Variants in DNASE2 observed in about 807,000 individuals in gnomAD.
DNASE2 encodes deoxyribonuclease-2-alpha.
In DNASE2, 26 loss-of-function variants were observed where a neutral mutation model predicts 29.8. That is an observed-to-expected ratio of 0.87 (90% CI 0.64 to 1.21). The LOEUF is 1.21. Ranked by LOEUF, DNASE2 falls within the 50% of genes most tolerant of loss-of-function variation. DNASE2 has a pLI of 0.00. For missense variants in DNASE2, 415 were observed against 455.6 expected (o/e 0.91, Z 0.81); for synonymous variants, 186 against 193.5 (o/e 0.96, Z 0.32).
Position 12,881,379 on chromosome 19 carries a change from T to G in DNASE2, c.-4A>C. Reference sequence around the variant, plus strand: ...CTGCCAGCAGCAGCGGGATCATAGCTGCTATGGGGCTGAGATCCAGGAATC... The same window carrying G: ...CTGCCAGCAGCAGCGGGATCATAGCGGCTATGGGGCTGAGATCCAGGAATC... On this transcript the variant is annotated 5_prime_UTR_variant, in exon 1 of 6. Coordinates refer to ENST00000222219, the MANE Select transcript of DNASE2 (RefSeq NM_001375.3). 6.4e-7 allele frequency: 1 copy of G among 1,556,080 alleles called. No individual in the cohort carries two copies. The highest frequency in any genetic ancestry group is 8.7e-7 in the Non-Finnish European group (1 of 1,151,028).
chr19:12,876,092 A>T lies in DNASE2; in HGVS notation c.981T>A (p.Cys327Ter), dbSNP rs1341179124. The change falls in exon 6 of 6, where the codon TGT (cysteine) becomes TGA (stop). Residue 327 changes from cysteine (C) to a stop codon, truncating the protein, a stop_gained. Transcript: ENST00000222219. LOFTEE classifies it low-confidence loss of function (END_TRUNC). ...GEEQRGGGTL[C>*]AQLPALWKAF... Reference sequence around the variant, plus strand: ...CTTTCCAGAGGGCTGGCAGCTGGGCACACAGTGTGCCCCCACCCCGTTGCT... The same window carrying T: ...CTTTCCAGAGGGCTGGCAGCTGGGCTCACAGTGTGCCCCCACCCCGTTGCT... The T allele has an allele frequency of 6.2e-7, 1 of 1,613,928 alleles. No individual in the cohort carries two copies. The highest frequency in any genetic ancestry group is 1.7e-5 in the Admixed American group (1 of 60,010).
chr19:12,878,526 T>A lies in DNASE2; in HGVS notation c.565A>T (p.Ile189Phe), dbSNP rs764898961. 6.2e-6 allele frequency: 10 copies of A among 1,614,006 alleles called. No individual in the cohort carries two copies. In the Admixed American group the frequency reaches 8.3e-5, roughly 13 times the overall value. The stretch of plus-strand genomic sequence containing the variant: ...AAGTCGGGGAATTCCTGGGCAAAGA[T>A]CCCTTCCAGCTGGTAGTTATAGACC... ...PWVYNYQLEG[I>F]FAQEFPDLEN... Residue 189 changes from isoleucine (I) to phenylalanine (F), a missense_variant, in exon 5 of 6, where the codon ATC becomes TTC. Ile to Phe is a conservative substitution (Grantham distance 21). Coordinates refer to ENST00000222219, the MANE Select transcript of DNASE2 (RefSeq NM_001375.3).
At chr19:12,880,527 G>A (rs1404714027) in intron 3 of DNASE2, among the ~76,000 whole-genome samples, 1 of 151,996 alleles carries the variant, frequency 6.6e-6, no homozygotes, top group Non-Finnish European at 1.5e-5. Context: ...GTGTGATGGT[G>A]CGCCTTTAAT....
At position 12,880,857 on chromosome 19, in the gene DNASE2, G is replaced by A; in HGVS notation, c.291C>T (p.Asp97=). The part of the protein sequence containing the change: ...TSQLAFLLYN[D]QPPQPSKAQD... ...GAGCCTTGCTGGGTTGAGGCGGTTG[G>A]TCATTGTAGAGCAGGAAGGCGAGCT... The change falls in exon 3 of 6, where the codon GAC becomes GAT. Residue 97 remains aspartate (D), a synonymous_variant. Transcript: ENST00000222219. 6.2e-7 allele frequency: 1 copy of A among 1,614,214 alleles called. No individual in the cohort carries two copies.
In DNASE2 at chr19:12,876,057, G is replaced by T; in HGVS notation, c.1016C>A (p.Pro339Gln). 2 of 1,614,046 alleles carry T rather than the reference G, an allele frequency of 1.2e-6. No homozygotes were observed. The highest frequency in any genetic ancestry group is 1.7e-6 in the Non-Finnish European group (2 of 1,180,020). ...QLPALWKAFQ[P>Q]LVKNYQPCNG... is the part of the protein sequence containing the mutation. ...ACAGGGCTGGTAGTTCTTCACCAGC[G>T]GCTGGAAGGCTTTCCAGAGGGCTGG... is the stretch of plus-strand genomic sequence containing the variant. Residue 339 changes from proline (P) to glutamine (Q), a missense_variant, in exon 6 of 6, where the codon CCG becomes CAG. Physicochemically the swap from Pro to Gln is moderately conservative, Grantham distance 76 (BLOSUM62 -1). Transcript: ENST00000222219.
intron 5 of DNASE2, chr19:12,877,910 A>G (rs1296313579): frequency 3.6e-6 from 1 of 277,086 alleles, no homozygotes; most frequent in Admixed American, 4.9e-5. Context: ...CAGTGGAGTC[A>G]TTATAGCTCA....
At chr19:12,878,628 C>T in intron 4 of DNASE2, 42 bp downstream of exon 4, 5 of 1,613,800 alleles carry the variant, frequency 3.1e-6, no homozygotes, top group Non-Finnish European at 4.2e-6. Context: ...AGGTTCTGGT[C>T]AGTAAACCCA....
In DNASE2 at chr19:12,876,881, G is replaced by A. The variant is rs572626761; in HGVS notation, c.710-518C>T. Among the ~76,000 whole-genome samples the A allele has an allele frequency of 2.6e-5, 4 of 151,986 alleles. No homozygotes were observed. The East Asian group carries it at 7.8e-4, about 29-fold the overall frequency. ...TCTGTCGCCCAGGCTGGAGTGCAGT[G>A]GTGTAATCTCGGCACACTGCAACCT... On this transcript the variant is annotated intron_variant, in intron 5 of 5. Transcript: ENST00000222219.
chr19:12,876,442 C>T, intron 5 of DNASE2, 79 bp from the exon 6 acceptor site: 1 of 1,511,008 alleles, frequency 6.6e-7, no homozygotes. Context: ...CCTCTCTCAG[C>T]TCAGTTTCCA....
rs748754954 is a variant in DNASE2 at position 12,876,269 on chromosome 19, C to T, written c.804G>A (p.Ser268=). The change falls in exon 6 of 6, where the codon TCG becomes TCA. Residue 268 remains serine, a synonymous_variant. Coordinates refer to ENST00000222219, the MANE Select transcript of DNASE2 (RefSeq NM_001375.3). ...KTVGILPSNC[S]DIWQVLNVNQ... ...TCACATTCAGAACCTGCCAGATATC[C>T]GAGCAGTTAGAGGGCAGGATGCCTA... 1.7e-5 allele frequency: 27 copies of T among 1,613,998 alleles called. No homozygotes were observed. The highest frequency in any genetic ancestry group is 1.3e-4 in the Admixed American group (8 of 59,964).
At position 12,880,985 on chromosome 19, in the gene DNASE2, C is replaced by T. The variant is rs746192478; in HGVS notation, c.254G>A (p.Ser85Asn). ...GGCCCCCTTCACCTGGCTGGTGTTG[C>T]TCCGGTACAGCGGCTGCAGGCTTCG... The part of the protein sequence containing the change: ...VGRSLQPLYR[S>N]NTSQLAFLLY... The change falls in exon 2 of 6, where the codon AGC (serine) becomes AAC (asparagine). Residue 85 changes from serine to asparagine, a missense_variant. Ser to Asn is a conservative substitution (Grantham distance 46). Transcript: ENST00000222219. The T allele has an allele frequency of 9.9e-6, 16 of 1,614,164 alleles. No homozygotes were observed. The South Asian group carries it at 1.8e-4, about 18-fold the overall frequency.
At chr19:12,879,697 G>A (rs906908386) in intron 3 of DNASE2, among the ~76,000 whole-genome samples, 3 of 152,196 alleles carry the variant, frequency 2.0e-5, no homozygotes, top group Non-Finnish European at 4.4e-5. Flanking sequence ...CAGGCCAGGT[G>A]TGGCGGCTCA....
intron 3 of DNASE2, 77 bp downstream of exon 3, chr19:12,880,725 A>T: frequency 1.3e-6 from 2 of 1,578,172 alleles, no homozygotes; most frequent in Non-Finnish European, 1.7e-6. Flanking sequence ...GATCTCCCCG[A>T]CCACCCCATG....
chr19:12,878,643 T>C (rs544157644), intron 4 of DNASE2, 27 bp downstream of exon 4: 1 of 1,613,944 alleles, frequency 6.2e-7, no homozygotes, highest in South Asian at 1.1e-5. Context: ...AACCCAGGAC[T>C]CATCCTGTGT....
chr19:12,879,351 G>T (rs1324868574), intron 3 of DNASE2, among the ~76,000 whole-genome samples: 1 of 151,290 alleles, frequency 6.6e-6, no homozygotes, highest in African/African-American at 2.4e-5. Context: ...GGGCATGGTG[G>T]TGCATGCCTG....
At position 12,880,962 on chromosome 19, in the gene DNASE2, C is replaced by T. The variant is rs774797101; in HGVS notation, c.267+10G>A. The T allele has an allele frequency of 9.3e-6, 15 of 1,614,078 alleles. No homozygotes were observed. Among genetic ancestry groups the T allele is most frequent in the Admixed American group, 1.7e-5 (1 of 60,008 alleles). ...AGTTTCGCCCCTAGTTGGCCCGGGG[C>T]CCCCTTCACCTGGCTGGTGTTGCTC... On this transcript the variant is annotated intron_variant, in intron 2 of 5. Transcript: ENST00000222219.
chr19:12,877,442 G>A (rs553854938), intron 5 of DNASE2, among the ~76,000 whole-genome samples: 3 of 151,918 alleles, frequency 2.0e-5, no homozygotes, highest in East Asian at 1.9e-4. Context: ...GTCCCGCTGT[G>A]TTGCCCAGGC....
At chr19:12,880,757 A>C in intron 3 of DNASE2, 45 bp downstream of exon 3, 1 of 1,613,270 alleles carries the variant, frequency 6.2e-7, no homozygotes, top group Non-Finnish European at 8.5e-7. Context: ...TTACCTTGGA[A>C]AAATGGGACC....
rs1471423230 is a variant in DNASE2, at chr19:12,881,418, C to A, written c.-43G>T. The A allele has an allele frequency of 5.2e-6, 8 of 1,547,348 alleles. No individual in the cohort carries two copies. In the East Asian group the frequency reaches 2.0e-4, roughly 38 times the overall value. On this transcript the variant is annotated 5_prime_UTR_variant, in exon 1 of 6. Transcript: ENST00000222219. The stretch of plus-strand genomic sequence containing the variant: ...GATCCAGGAATCTGTGTCGGGACTG[C>A]GGGGCGCTGGGTTACATCAGAGGCC...
Sources: allele counts gnomAD v4.1 joint callset (sites outside exome capture counted in the v4.1 genomes callset), GRCh38; gene constraint gnomAD v4.1.1; transcripts MANE v1.5; gene names NCBI Gene and HGNC (gene_info 2026-07-23, HGNC 2026-07-21).